The following RPS27L variants were observed in gnomAD, a reference collection of about 807,000 sequenced individuals.
RPS27L encodes ribosomal protein S27 like.
RPS27L carries 10 observed loss-of-function variants against 12.8 expected under a neutral mutation model. That is an observed-to-expected ratio of 0.78 (90% CI 0.48 to 1.33). RPS27L has a LOEUF of 1.33. Ranked by LOEUF, RPS27L falls within the 40% of genes most tolerant of loss-of-function variation. The pLI is 0.00. For synonymous variants in RPS27L, 26 were observed against 32.3 expected (o/e 0.81, Z 0.66); for missense variants, 81 against 97.4 (o/e 0.83, Z 0.71).
At chr15:63,156,852 C>A in intron 1 of RPS27L, 1 of 502,694 alleles carries the variant, frequency 2.0e-6, no homozygotes, top group Non-Finnish European at 3.5e-6. Context: ...AAAGTGACCC[C>A]GACTGTGGAC....
rs2141085666 is a variant in RPS27L, at chr15:63,153,909, T to C, written c.*123A>G. ...TGACACCAAAATAGGAGATTACTGC[T>C]GTATACCTTACAAAACCAAATGTAA... On this transcript the variant is annotated 3_prime_UTR_variant, in exon 4 of 4. Transcript: ENST00000330964. The C allele has an allele frequency of 1.2e-6, 1 of 805,596 alleles. No homozygotes were observed. The highest frequency in any genetic ancestry group is 2.5e-5 in the East Asian group (1 of 40,242). The allele number at this position is 805,596 out of a possible 1,614,324, so 49.9% of individuals were successfully genotyped here. A position where few individuals can be genotyped will look rare whatever the true frequency, so the allele number is the denominator to read the frequency against.
At chr15:63,154,787 T>C (rs1275334207) in intron 3 of RPS27L, 2 of 152,028 alleles carry the variant, frequency 1.3e-5, no homozygotes, top group Admixed American at 1.3e-4. Flanking sequence ...TTTTTTCTTA[T>C]TGCACTAAAG....
rs1276376694 is a variant in RPS27L, at chr15:63,150,804, C to A, written c.*3228G>T. 6.6e-6 allele frequency: 1 copy of A among 152,152 alleles called. No homozygotes were observed. Among genetic ancestry groups the A allele is most frequent in the Non-Finnish European group, 1.5e-5 (1 of 68,062 alleles). 9.4% of individuals were successfully genotyped at this position (152,152 alleles called of 1,614,324 possible). A position where few individuals can be genotyped will look rare whatever the true frequency, so the allele number is the denominator to read the frequency against. On this transcript the variant is annotated 3_prime_UTR_variant, in exon 4 of 4. Transcript: ENST00000330964. ...TACAGGCGCCCACCACCATGCCCGGCTAATTTTTTGTATTTTTAGTAGAGA... is the reference window on the plus strand; with the variant it reads ...TACAGGCGCCCACCACCATGCCCGGATAATTTTTTGTATTTTTAGTAGAGA...
intron 2 of RPS27L, 44 bp downstream of exon 2, chr15:63,156,369 A>T: frequency 9.5e-7 from 1 of 1,053,034 alleles, no homozygotes; most frequent in Non-Finnish European, 1.4e-6. Context: ...AGCAATCCCT[A>T]CAGAAATTTT....
Position 63,153,973 on chromosome 15 carries a change from T to C in RPS27L, c.*59A>G, listed in dbSNP as rs1018385053. ...GTAAATTAATTAGAATTATGGAATT[T>C]ATGATAAGGCTTTCTGTGAGACAAC... is the stretch of plus-strand genomic sequence containing the variant. On this transcript the variant is annotated 3_prime_UTR_variant, in exon 4 of 4. Transcript: ENST00000330964. 7 of 1,373,712 alleles carry C rather than the reference T, an allele frequency of 5.1e-6. No homozygotes were observed. In the African/African-American group the frequency reaches 1.0e-4, roughly 20 times the overall value. 85.1% of individuals were successfully genotyped at this position (1,373,712 alleles called of 1,614,324 possible).
chr15:63,155,298 A>T (rs557895496), intron 3 of RPS27L: 41 of 220,836 alleles, frequency 1.9e-4, no homozygotes, highest in South Asian at 1.8e-3. Context: ...AAAAAAAAAA[A>T]TAATAAATAA....
At position 63,152,058 on chromosome 15, in the gene RPS27L, G is replaced by A. The variant is rs1020885787; in HGVS notation, c.*1974C>T. The A allele has an allele frequency of 6.6e-6, 1 of 152,352 alleles. No homozygotes were observed. The highest frequency in any genetic ancestry group is 1.5e-5 in the Non-Finnish European group (1 of 68,154). The allele number at this position is 152,352 out of a possible 1,614,324, so 9.4% of individuals were successfully genotyped here. On this transcript the variant is annotated 3_prime_UTR_variant, in exon 4 of 4. Transcript: ENST00000330964. ...TAATCCCAGCACTTTGGTAGGCCAAGGCAGATCACCTGAGGCCAGGAGTTC... is the reference window on the plus strand; with the variant it reads ...TAATCCCAGCACTTTGGTAGGCCAAAGCAGATCACCTGAGGCCAGGAGTTC...
rs935923377 is a variant in RPS27L, at chr15:63,148,505, C to T, written c.*5527G>A. Reference sequence around the variant, plus strand: ...TAAAAAGACTTTCATAGACACAAAACACTGAGCAGGGCTGAAGCTGAGGGT... The same window carrying T: ...TAAAAAGACTTTCATAGACACAAAATACTGAGCAGGGCTGAAGCTGAGGGT... On this transcript the variant is annotated 3_prime_UTR_variant, in exon 4 of 4. Coordinates refer to ENST00000330964, the MANE Select transcript of RPS27L (RefSeq NM_015920.4). 6.6e-6 allele frequency: 1 copy of T among 152,144 alleles called. No individual in the cohort carries two copies. The highest frequency in any genetic ancestry group is 1.9e-4 in the East Asian group (1 of 5,198). The allele number at this position is 152,144 out of a possible 1,614,324, so 9.4% of individuals were successfully genotyped here.
At position 63,150,309 on chromosome 15, in the gene RPS27L, T is replaced by A. The variant is rs2037292518; in HGVS notation, c.*3723A>T. On this transcript the variant is annotated 3_prime_UTR_variant, in exon 4 of 4. Coordinates refer to ENST00000330964, the MANE Select transcript of RPS27L (RefSeq NM_015920.4). ...ATATGAAATATTGAGAAGAAGCAAA[T>A]CCATGGAGACAAAAGTAGCTTAGTG... The A allele has an allele frequency of 6.6e-6, 1 of 152,024 alleles. No homozygotes were observed. The highest frequency in any genetic ancestry group is 1.5e-5 in the Non-Finnish European group (1 of 68,020). The allele number at this position is 152,024 out of a possible 1,614,324, so 9.4% of individuals were successfully genotyped here.
At chr15:63,155,533 T>C (rs113399665) in intron 3 of RPS27L, 88 bp downstream of exon 3, 17 of 835,210 alleles carry the variant, frequency 2.0e-5, no homozygotes, top group Non-Finnish European at 3.1e-5. Flanking sequence ...TTGGTAATCA[T>C]TAAGATTTCT....
In RPS27L at chr15:63,157,421, A is replaced by G. The variant is rs1237857751; in HGVS notation, c.-16T>C. ...TCACAGGCATGTTGATCCTCTTGCA[A>G]GCTCAGCCCTACCAGACCTCCCAGC... is the stretch of plus-strand genomic sequence containing the variant. On this transcript the variant is annotated 5_prime_UTR_variant, in exon 1 of 4. Coordinates refer to ENST00000330964, the MANE Select transcript of RPS27L (RefSeq NM_015920.4). 2.5e-6 allele frequency: 4 copies of G among 1,613,968 alleles called. No homozygotes were observed. Among genetic ancestry groups the G allele is most frequent in the Non-Finnish European group, 3.4e-6 (4 of 1,179,966 alleles).
intron 1 of RPS27L, 44 bp from the exon 2 acceptor site, chr15:63,156,565 C>T (rs190465736): frequency 3.3e-6 from 4 of 1,196,508 alleles, no homozygotes; most frequent in Non-Finnish European, 4.9e-6. Context: ...TAAACCACAA[C>T]GCTGGCACAT....
Position 63,153,725 on chromosome 15 carries a change from T to C in RPS27L, c.*307A>G, listed in dbSNP as rs1253864369. 2.2e-5 allele frequency: 4 copies of C among 183,784 alleles called. No homozygotes were observed. The highest frequency in any genetic ancestry group is 1.6e-3 in the Middle Eastern group (1 of 628). The allele number at this position is 183,784 out of a possible 1,614,324, so 11.4% of individuals were successfully genotyped here. ...GAGTGACAGAGCAGGACTCTCTCTC[T>C]CAAAAAAAAAAAAAAAGACACAAAC... On this transcript the variant is annotated 3_prime_UTR_variant, in exon 4 of 4. Coordinates refer to ENST00000330964, the MANE Select transcript of RPS27L (RefSeq NM_015920.4).
At position 63,156,539 on chromosome 15, in the gene RPS27L, TTA is replaced by T. The variant is rs1430485016; in HGVS notation, c.7-20_7-19del. ...CTAGCCAACTGAACAAAGAAGCATATTATTACTATTAGTTTTAAACCACAACG... is the reference window on the plus strand; with the variant it reads ...CTAGCCAACTGAACAAAGAAGCATATTTACTATTAGTTTTAAACCACAACG... On this transcript the variant is annotated intron_variant, in intron 1 of 3. Coordinates refer to ENST00000330964, the MANE Select transcript of RPS27L (RefSeq NM_015920.4). The T allele has an allele frequency of 7.7e-6, 11 of 1,433,190 alleles. No homozygotes were observed. The highest frequency in any genetic ancestry group is 1.1e-5 in the Non-Finnish European group (11 of 1,021,232). 88.8% of individuals were successfully genotyped at this position (1,433,190 alleles called of 1,614,324 possible). A position where few individuals can be genotyped will look rare whatever the true frequency, so the allele number is the denominator to read the frequency against.
intron 2 of RPS27L, 110 bp from the exon 3 acceptor site, chr15:63,155,841 G>A: frequency 1.8e-6 from 1 of 555,588 alleles, no homozygotes; most frequent in Non-Finnish European, 2.9e-6. Context: ...CTATGAAACA[G>A]CAAGCCACAT....
rs182765323 is a variant in RPS27L at position 63,153,364 on chromosome 15, T to C, written c.*668A>G. The C allele has an allele frequency of 6.6e-6, 1 of 152,344 alleles. No individual in the cohort carries two copies. Among genetic ancestry groups the C allele is most frequent in the Non-Finnish European group, 1.5e-5 (1 of 68,036 alleles). 9.4% of individuals were successfully genotyped at this position (152,344 alleles called of 1,614,324 possible). ...ATGTATTTTTTTGAAACTATTCTTT[T>C]TAATTATAGTTTAAGTTCTGGGGTA... On this transcript the variant is annotated 3_prime_UTR_variant, in exon 4 of 4. Coordinates refer to ENST00000330964, the MANE Select transcript of RPS27L (RefSeq NM_015920.4).
chr15:63,154,541 A>G (rs192576235), intron 3 of RPS27L: 5 of 153,116 alleles, frequency 3.3e-5, no homozygotes, highest in Admixed American at 2.0e-4. Context: ...AAATCTCCCA[A>G]GTATACTTAG....
rs1408876450 is a variant in RPS27L, at chr15:63,148,279, GCA to G, written c.*5751_*5752del. The stretch of plus-strand genomic sequence containing the variant: ...TTTAATGGCATGCAATTTTATTGAT[GCA>G]GTCTTCAGTTTAAAAGTTTGTCACA... On this transcript the variant is annotated 3_prime_UTR_variant, in exon 4 of 4. Transcript: ENST00000330964. 6.6e-6 allele frequency: 1 copy of G among 151,182 alleles called. No individual in the cohort carries two copies. The highest frequency in any genetic ancestry group is 1.5e-5 in the Non-Finnish European group (1 of 67,932). 9.4% of individuals were successfully genotyped at this position (151,182 alleles called of 1,614,324 possible). A position where few individuals can be genotyped will look rare whatever the true frequency, so the allele number is the denominator to read the frequency against.
intron 2 of RPS27L, 50 bp from the exon 3 acceptor site, chr15:63,155,781 C>CACAA: frequency 9.0e-7 from 1 of 1,115,196 alleles, no homozygotes; most frequent in South Asian, 2.2e-5. Context: ...AGGAAAACAG[C>CACAA]ACCTGTTCGA....
Sources: allele counts gnomAD v4.1 joint callset, GRCh38; gene constraint gnomAD v4.1.1; transcripts MANE v1.5; gene names NCBI Gene and HGNC (gene_info 2026-07-23, HGNC 2026-07-21).